DNPEP: variants seen among roughly 807,000 people sequenced by gnomAD.
DNPEP encodes aspartyl aminopeptidase.
DNPEP carries 46 observed loss-of-function variants against 59.1 expected under a neutral mutation model. The observed-to-expected ratio is 0.78, with a 90% CI of 0.61 to 0.99. The LOEUF (loss-of-function observed/expected upper bound fraction) is 0.99, where lower values mean the gene tolerates loss of function less well. Among genes scored for constraint, DNPEP ranks in the 50% least tolerant of loss-of-function variants. The pLI is 0.00. For missense variants in DNPEP, 617 were observed against 649.9 expected (o/e 0.95, Z 0.55); for synonymous variants, 229 against 242.2 (o/e 0.95, Z 0.50).
At chr2:219,394,811 T>C (rs1412051267) in intron 1 of DNPEP, among the ~76,000 whole-genome samples, 1 of 152,206 alleles carries the variant, frequency 6.6e-6, no homozygotes, top group Non-Finnish European at 1.5e-5. Flanking sequence ...CAGTGTAATA[T>C]GTCTTAATCT....
rs912960041 is a variant in DNPEP at position 219,387,780 on chromosome 2, G to A, written c.15C>T (p.Ser5=). Residue 5 remains serine (S), a synonymous_variant, in exon 1 of 15, where the codon AGC becomes AGT. Transcript: ENST00000273075. ...TTACCTGCATGGCCCCGCGCGTGGGGCTGTGTCCGCTCATCTGGCCTCCGG... is the reference window on the plus strand; with the variant it reads ...TTACCTGCATGGCCCCGCGCGTGGGACTGTGTCCGCTCATCTGGCCTCCGG... The part of the protein sequence containing the change: MSGH[S]PTRGAMQVAM... 1 of 1,600,814 alleles carries A rather than the reference G, an allele frequency of 6.2e-7. No homozygotes were observed. Among genetic ancestry groups the A allele is most frequent in the Non-Finnish European group, 8.5e-7 (1 of 1,174,590 alleles).
intron 1 of DNPEP, among the ~76,000 whole-genome samples, chr2:219,397,221 C>T (rs937741396): frequency 1.3e-5 from 2 of 151,582 alleles, no homozygotes; most frequent in African/African-American, 4.9e-5. Flanking sequence ...CCCCTCCCAC[C>T]CCCGTCTCTT....
chr2:219,399,987 G>A (rs2125157312), exon 1 of DNPEP: 1 of 1,360,698 alleles, frequency 7.3e-7, no homozygotes, highest in Non-Finnish European at 1.0e-6. Context: ...TGCCTTTTTT[G>A]CCGGATCCTT....
At chr2:219,387,415 C>A in intron 1 of DNPEP, 2 of 1,435,920 alleles carry the variant, frequency 1.4e-6, no homozygotes, top group Non-Finnish European at 9.2e-7. Context: ...TAAGTCCCGC[C>A]CCCATGTCCC....
In DNPEP at chr2:219,381,370, G is replaced by C; in HGVS notation, c.1204C>G (p.Arg402Gly). 3 of 1,614,158 alleles carry C rather than the reference G, an allele frequency of 1.9e-6. No individual in the cohort carries two copies. Among genetic ancestry groups the C allele is most frequent in the Non-Finnish European group, 1.7e-6 (2 of 1,180,030 alleles). Residue 402 changes from arginine (R) to glycine (G), a missense_variant, in exon 13 of 15, where the codon CGA becomes GGA. By Grantham distance (125) the Arg-to-Gly change is moderately radical (BLOSUM62 -2). Coordinates refer to ENST00000273075, the MANE Select transcript of DNPEP (RefSeq NM_012100.4). ...ASNAVSEALI[R>G]EVANKVKVPL... is the part of the protein sequence containing the mutation. The stretch of plus-strand genomic sequence containing the variant: ...ACCTTGACTTTGTTGGCCACCTCTC[G>C]GATCAGGGCCTCTGACACCGCGTTT...
At position 219,381,407 on chromosome 2, in the gene DNPEP, T is replaced by G. The variant is rs1245063328; in HGVS notation, c.1167A>C (p.Gln389His). The change falls in exon 13 of 15, where the codon CAA (glutamine) becomes CAC (histidine). Residue 389 changes from glutamine (Q) to histidine (H), a missense_variant. Physicochemically the swap from Gln to His is conservative, Grantham distance 24. Transcript: ENST00000273075. The part of the protein sequence containing the change: ...KGPVIKVNSK[Q>H]RYASNAVSEA... ...CTGACACCGCGTTTGAAGCATAGCG[T>G]TGCTTGCTGTTCACCTTGATCACGG... The G allele has an allele frequency of 5.0e-6, 8 of 1,614,154 alleles. No homozygotes were observed. The highest frequency in any genetic ancestry group is 1.3e-5 in the African/African-American group (1 of 75,014).
At position 219,386,102 on chromosome 2, in the gene DNPEP, C is replaced by A. The variant is rs778468851; in HGVS notation, c.460-4G>T. The A allele has an allele frequency of 6.8e-6, 11 of 1,613,872 alleles. No homozygotes were observed. Among genetic ancestry groups the A allele is most frequent in the Non-Finnish European group, 9.3e-6 (11 of 1,179,988 alleles). On this transcript the variant is annotated splice_region_variant and splice_polypyrimidine_tract_variant and intron_variant, in intron 5 of 14. Transcript: ENST00000273075. ...CCAGCCGACCTGAGGTAGGGCACTG[C>A]AGCCAGCCAGGCCAGGTCAGCCCAG...
chr2:219,383,403 C>CT (rs1221568517), intron 9 of DNPEP, among the ~76,000 whole-genome samples, 189 bp from the exon 10 acceptor site: 2 of 151,888 alleles, frequency 1.3e-5, no homozygotes, highest in African/African-American at 4.8e-5. Context: ...TGGTGGGGAC[C>CT]TTTTTTTTCT....
intron 13 of DNPEP, among the ~76,000 whole-genome samples, chr2:219,380,139 A>G (rs1260333652): frequency 6.6e-6 from 1 of 151,498 alleles, no homozygotes; most frequent in Non-Finnish European, 1.5e-5. Context: ...TAAGTGCCCT[A>G]TACAGGTGGA....
In DNPEP at chr2:219,387,104, G is replaced by A. The variant is rs935799973; in HGVS notation, c.96C>T (p.Leu32=). The A allele has an allele frequency of 6.9e-6, 11 of 1,587,958 alleles. No homozygotes were observed. The highest frequency in any genetic ancestry group is 3.3e-4 in the Middle Eastern group (2 of 6,030). Reference sequence around the variant, plus strand: ...GAGAGGGACTCCGGTTCACGAACTTGAGGAGTTCCTTAGCCGCAGTCTGCA... The same window carrying A: ...GAGAGGGACTCCGGTTCACGAACTTAAGGAGTTCCTTAGCCGCAGTCTGCA... ...EAVQTAAKEL[L]KFVNRSPSPF... is the part of the protein sequence containing the mutation. Residue 32 remains leucine (L), a synonymous_variant, in exon 2 of 15, where the codon CTC becomes CTT. Transcript: ENST00000273075.
chr2:219,387,765 G>A lies in DNPEP; in HGVS notation c.30C>T (p.Ala10=), dbSNP rs1953914455. Residue 10 remains alanine (A), a synonymous_variant, in exon 1 of 15, where the codon GCC becomes GCT. Transcript: ENST00000273075. MSGHSPTRG[A]MQVAMNGKAR... ...GCCGTCGGGAGCCACTTACCTGCAT[G>A]GCCCCGCGCGTGGGGCTGTGTCCGC... is the stretch of plus-strand genomic sequence containing the variant. The A allele has an allele frequency of 1.2e-6, 2 of 1,605,798 alleles. No individual in the cohort carries two copies. Among genetic ancestry groups the A allele is most frequent in the Non-Finnish European group, 1.7e-6 (2 of 1,176,900 alleles).
chr2:219,382,533 C>A (rs1388939566), intron 10 of DNPEP, among the ~76,000 whole-genome samples: 1 of 152,218 alleles, frequency 6.6e-6, no homozygotes, highest in Non-Finnish European at 1.5e-5. Flanking sequence ...CATTTCCAGG[C>A]TCCCCTGCAG....
chr2:219,394,966 T>G (rs1409251899), intron 1 of DNPEP, among the ~76,000 whole-genome samples: 1 of 152,028 alleles, frequency 6.6e-6, no homozygotes, highest in Admixed American at 6.6e-5. Flanking sequence ...CAAGGTTTTT[T>G]TTTTTTTGAG....
upstream of DNPEP, among the ~76,000 whole-genome samples, chr2:219,393,442 G>T (rs1954049344): frequency 6.6e-6 from 1 of 152,076 alleles, no homozygotes. Flanking sequence ...ACCATGCCTG[G>T]CTAATTTCTG....
At chr2:219,399,915 C>G in intron 1 of DNPEP, 1 of 1,550,578 alleles carries the variant, frequency 6.4e-7, no homozygotes, top group Non-Finnish European at 8.7e-7. Flanking sequence ...GATGGAGAGG[C>G]TCCGAGCCAT....
intron 1 of DNPEP, chr2:219,399,870 T>C (rs757721785): frequency 1.1e-4 from 171 of 1,550,274 alleles, no homozygotes; most frequent in Non-Finnish European, 1.4e-4. Flanking sequence ...GGTTACCTTG[T>C]GGTAGCCATT....
intron 1 of DNPEP, among the ~76,000 whole-genome samples, chr2:219,396,251 G>A (rs1954095085): frequency 6.6e-6 from 1 of 152,130 alleles, no homozygotes; most frequent in Non-Finnish European, 1.5e-5. Flanking sequence ...TAAAGTTAGG[G>A]TTGCCAAATG....
In DNPEP at chr2:219,373,311, GC is replaced by G. The variant is rs539160723; in HGVS notation, c.*980del. On this transcript the variant is annotated 3_prime_UTR_variant, in exon 15 of 15. Transcript: ENST00000273075. ...TTGAACTCCCGACCTCAGGTGATCC[GC>G]CCACCTCAGCCTCCTAAAGTGCTGG... Among the ~76,000 whole-genome samples, 3 of 151,722 alleles carry G rather than the reference GC, an allele frequency of 2.0e-5. No homozygotes were observed. The highest frequency in any genetic ancestry group is 2.1e-4 in the South Asian group (1 of 4,790).
rs771181069 is a variant in DNPEP at position 219,381,568 on chromosome 2, TCTC to T, written c.1111_1113del (p.Glu371del). The T allele has an allele frequency of 6.2e-7, 1 of 1,613,948 alleles. No individual in the cohort carries two copies. Among genetic ancestry groups the T allele is most frequent in the South Asian group, 1.1e-5 (1 of 91,068 alleles). Reference sequence around the variant, plus strand: ...ACCTTGTGGAATAAAGGCCGGTGGTTCTCCTCATGCTTGTCCCTGTAAGAGACA... The same window carrying T: ...ACCTTGTGGAATAAAGGCCGGTGGTTCTCATGCTTGTCCCTGTAAGAGACA... On this transcript the variant is annotated inframe_deletion, in exon 12 of 15. Coordinates refer to ENST00000273075, the MANE Select transcript of DNPEP (RefSeq NM_012100.4).
Sources: gnomAD v4.1 joint callset for allele counts (sites outside exome capture counted in the v4.1 genomes callset) on GRCh38, gnomAD v4.1.1 for gene constraint, MANE v1.5 for transcripts, NCBI Gene and HGNC (gene_info 2026-07-23, HGNC 2026-07-21) for gene names.